SLC9B1: variants seen among roughly 807,000 people sequenced by gnomAD.
The protein encoded by SLC9B1 is solute carrier family 9 member B1, also known as sodium/hydrogen exchanger 9B1.
SLC9B1 carries 32 observed loss-of-function variants against 51.7 expected under a neutral mutation model. That is an observed-to-expected ratio of 0.62 (90% confidence interval 0.47 to 0.83). The LOEUF (loss-of-function observed/expected upper bound fraction) is 0.83. Among genes scored for constraint, SLC9B1 ranks in the 40% least tolerant of loss-of-function variants. The probability of loss-of-function intolerance (pLI) is 0.00; values close to 1 mark genes in which losing one functional copy is unlikely to be tolerated. For synonymous variants in SLC9B1, 145 were observed against 212.7 expected, an observed-to-expected ratio of 0.68 and a Z score of 2.77; for missense variants, 406 against 613.2, an observed-to-expected ratio of 0.66 and a Z score of 3.57.
intron 3 of SLC9B1, among the ~76,000 whole-genome samples, chr4:102,976,749 G>A (rs1055209603): frequency 2.6e-5 from 4 of 152,270 alleles, no homozygotes; most frequent in Admixed American, 6.5e-5. Context: ...AAATTTGTCC[G>A]GATGAAGTGA....
intron 11 of SLC9B1, chr4:102,888,537 A>AGTT (rs1420129345): frequency 1.3e-5 from 2 of 152,256 alleles, no homozygotes; most frequent in East Asian, 3.8e-4. Flanking sequence ...TGTACAAAAA[A>AGTT]GTTTGTGAAA....
At chr4:102,906,409 T>C (rs1735057196) in intron 10 of SLC9B1, 127 bp downstream of exon 10, 1 of 513,366 alleles carries the variant, frequency 1.9e-6, no homozygotes, top group Admixed American at 3.4e-5. Context: ...AATATGACAC[T>C]GTATCAACAT....
intron 11 of SLC9B1, chr4:102,890,572 A>C (rs1363342560): frequency 6.6e-6 from 1 of 151,962 alleles, no homozygotes; most frequent in East Asian, 1.9e-4. Context: ...TGGTGCAGTG[A>C]CGACACACCT....
chr4:102,991,276 TA>T (rs1471237877), intron 2 of SLC9B1, among the ~76,000 whole-genome samples: 2 of 151,982 alleles, frequency 1.3e-5, no homozygotes, highest in Admixed American at 6.6e-5. Flanking sequence ...TCTATAAAAA[TA>T]AAAAACTTGG....
At chr4:102,886,875 A>G (rs1733952017) in intron 11 of SLC9B1, among the ~76,000 whole-genome samples, 1 of 152,242 alleles carries the variant, frequency 6.6e-6, no homozygotes, top group Admixed American at 6.5e-5. Flanking sequence ...TCTGCCTCTG[A>G]AAGTGTTGGG....
intron 3 of SLC9B1, among the ~76,000 whole-genome samples, chr4:102,987,026 A>C (rs1033353493): frequency 6.6e-6 from 1 of 152,134 alleles, no homozygotes; most frequent in Non-Finnish European, 1.5e-5. Flanking sequence ...TGTAAATTTT[A>C]GTTGAAAGAT....
rs1052571008 is a variant in SLC9B1 at position 102,987,880 on chromosome 4, T to A, written c.211+1920A>T. Among the ~76,000 whole-genome samples, 3 of 152,156 alleles carry A rather than the reference T, an allele frequency of 2.0e-5. No homozygotes were observed. In the East Asian group the frequency reaches 5.8e-4, roughly 29 times the overall value. The stretch of plus-strand genomic sequence containing the variant: ...CACTCCTATTTTTTGGGCAGCAGTT[T>A]GCCCTGTGACTCACTTCTCTGATGG... On this transcript the variant is annotated intron_variant, in intron 3 of 11. Coordinates refer to ENST00000296422, the MANE Select transcript of SLC9B1 (RefSeq NM_139173.4).
chr4:103,018,094 AGT>A (rs1741490114), intron 1 of SLC9B1, among the ~76,000 whole-genome samples: 1 of 152,232 alleles, frequency 6.6e-6, no homozygotes, highest in Non-Finnish European at 1.5e-5. Flanking sequence ...ATTCAATCTC[AGT>A]GTTTAGTAAA....
chr4:102,899,707 CTGCTTATAT>C (rs1734702994), downstream of SLC9B1, among the ~76,000 whole-genome samples: 1 of 152,116 alleles, frequency 6.6e-6, no homozygotes, highest in Non-Finnish European at 1.5e-5. Flanking sequence ...CCACAACACC[CTGCTTATAT>C]TTTTATTTTC....
At chr4:102,924,418 A>G (rs2110448466) in intron 7 of SLC9B1, among the ~76,000 whole-genome samples, 1 of 152,362 alleles carries the variant, frequency 6.6e-6, no homozygotes, top group South Asian at 2.1e-4. Flanking sequence ...AAGATGGATT[A>G]AAGACTTACA....
At chr4:102,980,538 A>C (rs10032234) in intron 3 of SLC9B1, among the ~76,000 whole-genome samples, 83,000 of 151,810 alleles carry the variant, frequency 0.55, 23,257 homozygotes, top group African/African-American at 0.68. Flanking sequence ...TGGGAGCTGA[A>C]TGATGAGAAC....
At chr4:102,962,194 CAG>C (rs1257862965) in intron 3 of SLC9B1, 6 of 519,342 alleles carry the variant, frequency 1.2e-5, no homozygotes, top group African/African-American at 9.8e-5. Context: ...GCATTTCTAT[CAG>C]AGAGTCAGCA....
At chr4:102,970,048 A>G (rs1274459836) in intron 3 of SLC9B1, among the ~76,000 whole-genome samples, 1 of 152,206 alleles carries the variant, frequency 6.6e-6, no homozygotes, top group African/African-American at 2.4e-5. Context: ...AATGGAACCA[A>G]GTTGGAAAAC....
chr4:102,977,660 GA>G (rs1335339656), intron 3 of SLC9B1, among the ~76,000 whole-genome samples: 1 of 152,052 alleles, frequency 6.6e-6, no homozygotes, highest in Admixed American at 6.6e-5. Flanking sequence ...CTAACAACCA[GA>G]AAAATTTCTT....
chr4:102,970,064 T>G (rs934744014), intron 3 of SLC9B1, among the ~76,000 whole-genome samples: 4 of 152,052 alleles, frequency 2.6e-5, no homozygotes, highest in African/African-American at 9.7e-5. Context: ...AAAACACTCT[T>G]CAGGATATTA....
chr4:102,897,631 C>T (rs1159626727), downstream of SLC9B1: 4 of 315,484 alleles, frequency 1.3e-5, no homozygotes, highest in African/African-American at 8.9e-5. Flanking sequence ...AGCCAAACTG[C>T]TCAACTAAGA....
At chr4:102,966,788 A>G (rs1738450823) in intron 3 of SLC9B1, among the ~76,000 whole-genome samples, 1 of 152,202 alleles carries the variant, frequency 6.6e-6, no homozygotes. Context: ...GCACCCTTGG[A>G]TTCCTCTCCT....
At chr4:102,949,160 A>G (rs550683468) in intron 4 of SLC9B1, 97 bp downstream of exon 4, 3 of 1,041,052 alleles carry the variant, frequency 2.9e-6, no homozygotes, top group Admixed American at 2.5e-5. Context: ...AACATACTAC[A>G]TTGAAATATT....
At chr4:102,916,370 G>A (rs2110437839) in intron 7 of SLC9B1, among the ~76,000 whole-genome samples, 1 of 152,220 alleles carries the variant, frequency 6.6e-6, no homozygotes, top group East Asian at 1.9e-4. Flanking sequence ...AGGGCCAATT[G>A]ACCAAGAAGA....
Sources: allele counts gnomAD v4.1 joint callset (sites outside exome capture counted in the v4.1 genomes callset), GRCh38; gene constraint gnomAD v4.1.1; transcripts MANE v1.5; gene names NCBI Gene and HGNC (gene_info 2026-07-23, HGNC 2026-07-21).